The following CABP1 variants were observed in gnomAD, a reference collection of about 807,000 sequenced individuals.
CABP1 encodes calcium-binding protein 1.
In CABP1, 17 loss-of-function variants were observed where a neutral mutation model predicts 34.3. The observed-to-expected ratio is 0.50, with a 90% CI of 0.34 to 0.74. CABP1 has a LOEUF of 0.74. CABP1 is among the 30% of genes least tolerant of loss of function. The probability of loss-of-function intolerance (pLI) is 0.01; values close to 1 mark genes in which losing one functional copy is unlikely to be tolerated. For missense variants in CABP1, 373 were observed against 511.1 expected, an observed-to-expected ratio of 0.73 and a Z score of 2.61; for synonymous variants, 198 against 229.2, an observed-to-expected ratio of 0.86 and a Z score of 1.23.
At chr12:120,676,272 T>G in the CABP1 span, among the ~76,000 whole-genome samples, 7 of 152,180 alleles carry the variant, frequency 4.6e-5, no homozygotes, top group Admixed American at 2.6e-4. Flanking sequence ...TACCTTCCCA[T>G]CATGGCAGAA....
Position 120,641,275 on chromosome 12 carries a change from C to T in CABP1, c.590C>T (p.Ala197Val). The T allele has an allele frequency of 7.6e-7, 1 of 1,312,480 alleles. No individual in the cohort carries two copies. The highest frequency in any genetic ancestry group is 9.7e-7 in the Non-Finnish European group (1 of 1,032,856). 81.3% of individuals were successfully genotyped at this position (1,312,480 alleles called of 1,614,324 possible). Residue 197 changes from alanine (A) to valine (V), a missense_variant, in exon 1 of 6, where the codon GCC (alanine) becomes GTC (valine). By Grantham distance (64) the Ala-to-Val change is moderately conservative (BLOSUM62 0). Around this residue, in one of 4 missense-constraint regions of CABP1, gnomAD observed 121 missense variants for 125.5 expected, o/e 0.96. Coordinates refer to ENST00000316803, the MANE Select transcript of CABP1 (RefSeq NM_001033677.2). The surrounding 1 kb of genome is among the most constrained non-coding windows in gnomAD (Gnocchi z 6.7). The part of the protein sequence containing the change: ...ARGRGDSVPA[A>V]ASEADPFLHR... ...GGCCGCGGGGACTCCGTTCCAGCCGCCGCGTCCGAGGCGGACCCGTTCCTC... is the reference window on the plus strand; with the variant it reads ...GGCCGCGGGGACTCCGTTCCAGCCGTCGCGTCCGAGGCGGACCCGTTCCTC...
rs2137322070 is a variant in CABP1 at position 120,640,711 on chromosome 12, T to C, written c.26T>C (p.Phe9Ser). The C allele has an allele frequency of 8.5e-7, 1 of 1,176,286 alleles. No individual in the cohort carries two copies. The allele number at this position is 1,176,286 out of a possible 1,614,324, so 72.9% of individuals were successfully genotyped here. The change falls in exon 1 of 6, where the codon TTT becomes TCT. Residue 9 changes from phenylalanine to serine, a missense_variant. By Grantham distance (155) the Phe-to-Ser change is radical (BLOSUM62 -2). This residue lies in a region of CABP1 where 134 missense variants were observed against 145.4 expected (regional missense o/e 0.92). Transcript: ENST00000316803. The surrounding 1 kb of genome is among the most constrained non-coding windows in gnomAD (Gnocchi z 6.2). ...ATGGGCGGCGGCGACGGGGCCGCAT[T>C]TAAGCGGCCGGGGGACGGCGCCCGC... MGGGDGAA[F>S]KRPGDGARLQ...
intron 1 of CABP1, among the ~76,000 whole-genome samples, chr12:120,642,688 A>G (rs1486324380): frequency 6.6e-6 from 1 of 152,200 alleles, no homozygotes; most frequent in Non-Finnish European, 1.5e-5. Flanking sequence ...GAGGAGGTGT[A>G]GGCTGCCAGG....
chr12:120,665,479 G>A (rs371999872), intron 5 of CABP1, among the ~76,000 whole-genome samples: 28 of 152,118 alleles, frequency 1.8e-4, no homozygotes, highest in African/African-American at 6.3e-4. Context: ...AACAGCAGAG[G>A]ATGCATGTCA....
In CABP1 at chr12:120,660,413, G is replaced by C. The variant is rs1040637701; in HGVS notation, c.829+74G>C. On this transcript the variant is annotated intron_variant, in intron 3 of 5. Coordinates refer to ENST00000316803, the MANE Select transcript of CABP1 (RefSeq NM_001033677.2). This position sits in a 1 kb window ranked among gnomAD's most constrained non-coding sequence, Gnocchi z 5.0. ...CGTCCTCTGCAGTCAGACAGGACTG[G>C]CTTCAAATTCTGCATCCACCTCTTA... The C allele has an allele frequency of 3.1e-5, 47 of 1,496,994 alleles. No homozygotes were observed. Among genetic ancestry groups the C allele is most frequent in the Middle Eastern group, 3.5e-4 (2 of 5,718 alleles). 92.7% of individuals were successfully genotyped at this position (1,496,994 alleles called of 1,614,324 possible). A position where few individuals can be genotyped will look rare whatever the true frequency, so the allele number is the denominator to read the frequency against.
At chr12:120,645,827 TG>T (rs1264148928) in intron 1 of CABP1, among the ~76,000 whole-genome samples, 19 of 152,036 alleles carry the variant, frequency 1.2e-4, no homozygotes, top group Admixed American at 1.2e-3. Flanking sequence ...AGACTCTGTC[TG>T]GAAAAAAAAG....
the CABP1 span, among the ~76,000 whole-genome samples, chr12:120,673,968 G>T: frequency 1.3e-5 from 2 of 152,160 alleles, no homozygotes; most frequent in African/African-American, 4.8e-5. Flanking sequence ...GATCGTTTGA[G>T]CCCAGGAGTT....
the CABP1 span, among the ~76,000 whole-genome samples, chr12:120,678,437 A>C: frequency 6.6e-6 from 1 of 152,124 alleles, no homozygotes; most frequent in Non-Finnish European, 1.5e-5. Flanking sequence ...CCTTAGCCTC[A>C]GCACTTCATC....
In CABP1 at chr12:120,666,998, T is replaced by C. The variant is rs1239338303; in HGVS notation, c.*98T>C. 1 of 1,457,122 alleles carries C rather than the reference T, an allele frequency of 6.9e-7. No individual in the cohort carries two copies. Among genetic ancestry groups the C allele is most frequent in the Non-Finnish European group, 9.3e-7 (1 of 1,073,436 alleles). 90.3% of individuals were successfully genotyped at this position (1,457,122 alleles called of 1,614,324 possible). On this transcript the variant is annotated 3_prime_UTR_variant, in exon 6 of 6. Transcript: ENST00000316803. ...CGCTGTAGCCGCCGAGAGCCCAGGA[T>C]GTACTGGCGGATGGGGCCTGCCTGC... is the stretch of plus-strand genomic sequence containing the variant.
intron 1 of CABP1, among the ~76,000 whole-genome samples, chr12:120,643,563 A>T (rs1846045305): frequency 6.6e-6 from 1 of 152,208 alleles, no homozygotes; most frequent in African/African-American, 2.4e-5. Flanking sequence ...ACTTAAGTGA[A>T]TTGCTTAACC....
At chr12:120,670,795 C>T (rs765303722), downstream of CABP1, among the ~76,000 whole-genome samples, 23 of 152,220 alleles carry the variant, frequency 1.5e-4, no homozygotes, top group African/African-American at 2.6e-4. Context: ...TTTATTGCAC[C>T]TGGATTTGCC....
chr12:120,651,800 G>C (rs899060220), intron 1 of CABP1, among the ~76,000 whole-genome samples: 8 of 152,054 alleles, frequency 5.3e-5, no homozygotes, highest in African/African-American at 1.9e-4. Flanking sequence ...TCCTTCCAAG[G>C]GCTTGTTGTT....
intron 1 of CABP1, among the ~76,000 whole-genome samples, chr12:120,655,070 C>T (rs924361782): frequency 2.0e-5 from 3 of 152,244 alleles, no homozygotes; most frequent in African/African-American, 4.8e-5. Flanking sequence ...GTGGCCCACC[C>T]GGTGCTTTAA....
intron 1 of CABP1, among the ~76,000 whole-genome samples, chr12:120,643,231 C>CAG (rs10683950): frequency 0.8 from 121,943 of 151,976 alleles, 49,507 homozygotes; most frequent in African/African-American, 0.93. Flanking sequence ...TCTTGCCTCT[C>CAG]AGCTGCGGGC....
intron 5 of CABP1, among the ~76,000 whole-genome samples, chr12:120,666,043 G>A (rs1880958303): frequency 1.3e-5 from 2 of 149,898 alleles, no homozygotes; most frequent in African/African-American, 4.9e-5. Context: ...AAAAGAGAGA[G>A]AGAGAAGGGG....
chr12:120,646,505 C>A (rs964948498), intron 1 of CABP1, among the ~76,000 whole-genome samples: 1 of 152,062 alleles, frequency 6.6e-6, no homozygotes, highest in Non-Finnish European at 1.5e-5. Context: ...CACCGTTCAG[C>A]CTTTTTTGTT....
chr12:120,670,158 T>G (rs1428428807), downstream of CABP1, among the ~76,000 whole-genome samples: 2 of 152,078 alleles, frequency 1.3e-5, no homozygotes, highest in Non-Finnish European at 2.9e-5. Flanking sequence ...GCACACCAGC[T>G]GATTTTTAAA....
chr12:120,650,720 T>C (rs1879792490), intron 1 of CABP1: 3 of 1,600,622 alleles, frequency 1.9e-6, no homozygotes, highest in African/African-American at 1.3e-5. Flanking sequence ...GGGCTGGGGA[T>C]TGGGGGTATC....
At chr12:120,669,449 T>C (rs1350959812), downstream of CABP1, among the ~76,000 whole-genome samples, 1 of 152,162 alleles carries the variant, frequency 6.6e-6, no homozygotes, top group East Asian at 1.9e-4. Context: ...TAGACATCTC[T>C]ATCGGCTGGC....
Sources: allele counts gnomAD v4.1 joint callset (sites outside exome capture counted in the v4.1 genomes callset), GRCh38; gene constraint gnomAD v4.1.1; regional missense constraint gnomAD v4.1.1; non-coding constraint Gnocchi (gnomAD v3.1); transcripts MANE v1.5; gene names NCBI Gene and HGNC (gene_info 2026-07-23, HGNC 2026-07-21).